The following DOCK6 variants were observed in gnomAD, a reference collection of about 807,000 sequenced individuals.
The protein encoded by DOCK6 is dedicator of cytokinesis 6, also known as dedicator of cytokinesis protein 6.
A neutral mutation model predicts 230.3 loss-of-function variants in DOCK6; 167 were observed. The observed-to-expected ratio is 0.73, with a 90% CI of 0.64 to 0.82. DOCK6 has a LOEUF of 0.82. Ranked by LOEUF, DOCK6 falls within the 40% of genes least tolerant of loss-of-function variation. The pLI is 0.00. For missense variants in DOCK6, 2,598 were observed against 2,825.8 expected (o/e 0.92, Z 1.83); for synonymous variants, 1,148 against 1,185.0 (o/e 0.97, Z 0.64).
Position 11,201,993 on chromosome 19 carries a change from C to A in DOCK6, c.5584G>T (p.Ala1862Ser), listed in dbSNP as rs372223901. 3.7e-6 allele frequency: 6 copies of A among 1,613,990 alleles called. No individual in the cohort carries two copies. In the Admixed American group the frequency reaches 8.3e-5, roughly 22 times the overall value. ...TGTTGCTCGGGCAGCTCCCCGTGTG[C>A]GCGCCCATCCGGCGTGAACGGCGTG... ...FCTPFTPDGR[A>S]HGELPEQHKR... The change falls in exon 44 of 48, where the codon GCA becomes TCA. Residue 1862 changes from alanine to serine, a missense_variant. Transcript: ENST00000294618. The surrounding 1 kb of genome is among the most constrained non-coding windows in gnomAD (Gnocchi z 4.3).
intron 7 of DOCK6, 77 bp from the exon 8 acceptor site, chr19:11,245,955 A>T: frequency 2.0e-6 from 3 of 1,511,886 alleles, no homozygotes; most frequent in Non-Finnish European, 2.7e-6. Context: ...CTTGAGGCCC[A>T]AGGTGGGGGG....
chr19:11,208,888 C>T, intron 38 of DOCK6, 23 bp downstream of exon 38: 1 of 1,596,914 alleles, frequency 6.3e-7, no homozygotes, highest in Non-Finnish European at 8.6e-7. Context: ...CCGTCCGCCA[C>T]CTGCCAACCC....
chr19:11,210,172 TC>T (rs2079352834), intron 37 of DOCK6, among the ~76,000 whole-genome samples: 3 of 104,244 alleles, frequency 2.9e-5, no homozygotes, highest in Non-Finnish European at 5.9e-5. Flanking sequence ...CTGCCCACCC[TC>T]TCACCTGTCC....
chr19:11,211,363 C>T (rs1189968926), intron 37 of DOCK6, among the ~76,000 whole-genome samples: 1 of 151,688 alleles, frequency 6.6e-6, no homozygotes. Context: ...CTCTGGATCT[C>T]ATTTCCCTTC....
chr19:11,260,713 T>G (rs1408599152), intron 1 of DOCK6, among the ~76,000 whole-genome samples: 1 of 150,434 alleles, frequency 6.6e-6, no homozygotes, highest in East Asian at 2.0e-4. Flanking sequence ...TGAAACCCCC[T>G]CTCTACTAAA....
At chr19:11,253,750 T>C (rs754636953) in intron 1 of DOCK6, 24 bp from the exon 2 acceptor site, 21 of 1,443,002 alleles carry the variant, frequency 1.5e-5, no homozygotes, top group Admixed American at 9.2e-5. Context: ...GAGGGGGCCA[T>C]TGGGGACGGG....
chr19:11,236,328 G>A lies in DOCK6; in HGVS notation c.2392+18C>T, dbSNP rs746054806. On this transcript the variant is annotated intron_variant, in intron 20 of 47. Transcript: ENST00000294618. This position sits in a 1 kb window ranked among gnomAD's most constrained non-coding sequence, Gnocchi z 5.2. ...CATGTGGATGGGGAAACTGAGGTCT[G>A]AGGCCACATTCGCTTACCAATCTGG... The A allele has an allele frequency of 7.2e-6, 11 of 1,534,640 alleles. No homozygotes were observed. In the South Asian group the frequency reaches 1.3e-4, roughly 18 times the overall value.
intron 18 of DOCK6, 81 bp downstream of exon 18, chr19:11,237,375 G>T: frequency 6.6e-7 from 1 of 1,516,794 alleles, no homozygotes; most frequent in Non-Finnish European, 9.1e-7. Flanking sequence ...AGCCTCCCAG[G>T]ATTGACAGGA....
rs918615350 is a variant in DOCK6 at position 11,262,453 on chromosome 19, C to A, written c.-13G>T. 2.1e-5 allele frequency: 24 copies of A among 1,146,974 alleles called. No homozygotes were observed. Among genetic ancestry groups the A allele is most frequent in the Middle Eastern group, 3.5e-4 (1 of 2,826 alleles). The allele number at this position is 1,146,974 out of a possible 1,614,324, so 71.0% of individuals were successfully genotyped here. A position where few individuals can be genotyped will look rare whatever the true frequency, so the allele number is the denominator to read the frequency against. ...CGGAGGCAGCCATGGTCCTCGCGTC[C>A]CGCCGCCGCCGCCCCGGGCCCCGGC... On this transcript the variant is annotated 5_prime_UTR_variant, in exon 1 of 48. Transcript: ENST00000294618.
chr19:11,223,071 C>G lies in DOCK6; in HGVS notation c.2991G>C (p.Leu997=), dbSNP rs2079607193. 2 of 1,613,732 alleles carry G rather than the reference C, an allele frequency of 1.2e-6. No individual in the cohort carries two copies. Among genetic ancestry groups the G allele is most frequent in the East Asian group, 4.5e-5 (2 of 44,876 alleles). ...ACAGAAGGTCACTGAGGAAGAAAGCCAGGCTGGCGTTGAGGTGCTCGGCCA... is the reference window on the plus strand; with the variant it reads ...ACAGAAGGTCACTGAGGAAGAAAGCGAGGCTGGCGTTGAGGTGCTCGGCCA... ...VELAEHLNAS[L]AFFLSDLLSL... The change falls in exon 25 of 48, where the codon CTG becomes CTC. Residue 997 remains leucine, a synonymous_variant. Coordinates refer to ENST00000294618, the MANE Select transcript of DOCK6 (RefSeq NM_020812.4).
Position 11,200,540 on chromosome 19 carries a change from C to A in DOCK6, c.5940-71G>T. Reference sequence around the variant, plus strand: ...CTGAAAGCAAGACTAGGGGTGGGGGCACCCATAAGGCGGGACCAGGCCTGC... The same window carrying A: ...CTGAAAGCAAGACTAGGGGTGGGGGAACCCATAAGGCGGGACCAGGCCTGC... On this transcript the variant is annotated intron_variant, in intron 46 of 47. Coordinates refer to ENST00000294618, the MANE Select transcript of DOCK6 (RefSeq NM_020812.4). This position sits in a 1 kb window ranked among gnomAD's most constrained non-coding sequence, Gnocchi z 4.3. 6.4e-7 allele frequency: 1 copy of A among 1,565,386 alleles called. No homozygotes were observed. Among genetic ancestry groups the A allele is most frequent in the East Asian group, 2.4e-5 (1 of 42,268 alleles).
At chr19:11,216,076 T>C (rs1336647825) in intron 30 of DOCK6, 149 bp from the exon 31 acceptor site, 3 of 1,024,790 alleles carry the variant, frequency 2.9e-6, no homozygotes, top group African/African-American at 1.6e-5. Context: ...TTCTTAGCAC[T>C]TACCAAAAAA....
Position 11,213,420 on chromosome 19 carries a change from G to T in DOCK6, c.4339-92C>A, listed in dbSNP as rs1288616267. The T allele has an allele frequency of 2.0e-6, 3 of 1,510,682 alleles. No homozygotes were observed. The East Asian group carries it at 7.4e-5, about 37-fold the overall frequency. The allele number at this position is 1,510,682 out of a possible 1,614,324, so 93.6% of individuals were successfully genotyped here. ...CCAAATGAGGACTGCTTGGGCAGGG[G>T]TTTGTGTTCTGTCCTCTTTGGCCAA... is the stretch of plus-strand genomic sequence containing the variant. On this transcript the variant is annotated intron_variant, in intron 34 of 47. Transcript: ENST00000294618.
intron 39 of DOCK6, among the ~76,000 whole-genome samples, chr19:11,206,652 G>A (rs1480826329): frequency 6.6e-6 from 1 of 151,952 alleles, no homozygotes; most frequent in Non-Finnish European, 1.5e-5. Context: ...TTCAAACCAA[G>A]TCACCCCAGA....
intron 24 of DOCK6, 33 bp downstream of exon 24, chr19:11,227,304 T>C (rs755403837): frequency 1.2e-6 from 2 of 1,606,914 alleles, no homozygotes; most frequent in African/African-American, 1.3e-5. Context: ...CTCCCTCAGG[T>C]TTCTTCCCAC....
In DOCK6 at chr19:11,214,278, G is replaced by A. The variant is rs1334757280; in HGVS notation, c.4335C>T (p.Ser1445=). 2 of 1,609,186 alleles carry A rather than the reference G, an allele frequency of 1.2e-6. No individual in the cohort carries two copies. The highest frequency in any genetic ancestry group is 1.7e-5 in the Admixed American group (1 of 58,800). The change falls in exon 34 of 48, where the codon TCC becomes TCT. Residue 1445 remains serine (S), a synonymous_variant. Transcript: ENST00000294618. Reference sequence around the variant, plus strand: ...ATGGTTGTTGAGTGGTGCTCACCTTGGACACAAGGGCCCTCTGGGTGGCCA... The same window carrying A: ...ATGGTTGTTGAGTGGTGCTCACCTTAGACACAAGGGCCCTCTGGGTGGCCA... The part of the protein sequence containing the change: ...HGLATQRALV[S]KFPELLFEED...
At chr19:11,233,478 G>T in intron 21 of DOCK6, 112 bp from the exon 22 acceptor site, 1 of 1,339,566 alleles carries the variant, frequency 7.5e-7, no homozygotes, top group Non-Finnish European at 1.0e-6. Flanking sequence ...GAGCCTCTAA[G>T]TTCCTCATCT....
Position 11,235,767 on chromosome 19 carries a change from G to A in DOCK6, c.2393-8C>T, listed in dbSNP as rs1330183885. The A allele has an allele frequency of 1.9e-6, 3 of 1,581,070 alleles. No homozygotes were observed. On this transcript the variant is annotated splice_polypyrimidine_tract_variant and splice_region_variant and intron_variant, in intron 20 of 47. Coordinates refer to ENST00000294618, the MANE Select transcript of DOCK6 (RefSeq NM_020812.4). The stretch of plus-strand genomic sequence containing the variant: ...CTCCACGGCCCAGGTTCACTGCAGG[G>A]CAGAGCAGAGGTCAAGTTCCAGGGC...
At position 11,238,181 on chromosome 19, in the gene DOCK6, A is replaced by C. The variant is rs200659753; in HGVS notation, c.1761+6T>G. ...TACCCCCCTTCCCTGGGGCACAGCC[A>C]CTGACCGGCAGAGCCTGGCTGGGGT... On this transcript the variant is annotated splice_donor_region_variant and intron_variant, in intron 15 of 47. Coordinates refer to ENST00000294618, the MANE Select transcript of DOCK6 (RefSeq NM_020812.4). 1.9e-6 allele frequency: 3 copies of C among 1,613,522 alleles called. No homozygotes were observed. The South Asian group carries it at 3.3e-5, about 18-fold the overall frequency.
Sources: allele counts gnomAD v4.1 joint callset (sites outside exome capture counted in the v4.1 genomes callset), GRCh38; gene constraint gnomAD v4.1.1; non-coding constraint Gnocchi (gnomAD v3.1); transcripts MANE v1.5; gene names NCBI Gene and HGNC (gene_info 2026-07-23, HGNC 2026-07-21).